The following EML2 variants were observed in gnomAD, a reference collection of about 807,000 sequenced individuals.
The protein encoded by EML2 is echinoderm microtubule-associated protein-like 2.
A neutral mutation model predicts 84.7 loss-of-function variants in EML2; 59 were observed. The ratio of observed to expected loss-of-function variants is 0.70; its 90% CI spans 0.56 to 0.86. The LOEUF (loss-of-function observed/expected upper bound fraction) is 0.86, where lower values mean the gene tolerates loss of function less well. Ranked by LOEUF, EML2 falls within the 40% of genes least tolerant of loss-of-function variation. The pLI, the probability that EML2 is intolerant of heterozygous loss-of-function variation, is 0.00. For synonymous variants in EML2, 352 were observed against 348.9 expected, an observed-to-expected ratio of 1.01 and a Z score of -0.10; for missense variants, 818 against 855.6, an observed-to-expected ratio of 0.96 and a Z score of 0.55.
chr19:45,641,410 C>CA (rs1974483629), upstream of EML2: 1 of 540,200 alleles, frequency 1.9e-6, no homozygotes, highest in Non-Finnish European at 3.3e-6. Flanking sequence ...CCTGACCGTC[C>CA]AGCTTCTAAA....
In EML2 at chr19:45,615,825, G is replaced by A. The variant is rs774136615; in HGVS notation, c.1574C>T (p.Ser525Phe). ...AQDSSCFVTN[S>F]GDYEILYWDP... ...ACAGTACAGAATCTCATAGTCCCCG[G>A]AGTTGGTGACAAAGCAGCTGCTGTC... is the stretch of plus-strand genomic sequence containing the variant. Residue 525 changes from serine (S) to phenylalanine (F), a missense_variant, in exon 16 of 19, where the codon TCC becomes TTC. Ser to Phe is a radical substitution (Grantham distance 155, BLOSUM62 -2). Coordinates refer to ENST00000245925, the MANE Select transcript of EML2 (RefSeq NM_012155.4). The A allele has an allele frequency of 1.8e-5, 29 of 1,613,798 alleles. No individual in the cohort carries two copies. The highest frequency in any genetic ancestry group is 2.5e-5 in the Non-Finnish European group (29 of 1,179,924).
upstream of EML2, among the ~76,000 whole-genome samples, chr19:45,643,890 C>G (rs1033011854): frequency 1.3e-5 from 2 of 152,178 alleles, no homozygotes; most frequent in Admixed American, 1.3e-4. Flanking sequence ...ACTTAGAACT[C>G]GTAACAGGGG....
At chr19:45,610,645 C>T (rs1970395773) in intron 18 of EML2, among the ~76,000 whole-genome samples, 1 of 152,004 alleles carries the variant, frequency 6.6e-6, no homozygotes, top group South Asian at 2.1e-4. Flanking sequence ...CGATACCAGC[C>T]TGGCCAACGT....
chr19:45,631,798 T>C (rs1218789470), intron 6 of EML2, among the ~76,000 whole-genome samples: 1 of 151,538 alleles, frequency 6.6e-6, no homozygotes, highest in South Asian at 2.1e-4. Flanking sequence ...CTCGATCTCC[T>C]AGGCTCATTC....
At chr19:45,634,236 A>C (rs1206263741) in intron 4 of EML2, 86 bp downstream of exon 4, 9 of 1,571,662 alleles carry the variant, frequency 5.7e-6, no homozygotes, top group Non-Finnish European at 7.9e-6. Context: ...ACAGGGTAGC[A>C]ATGTGAAAAG....
chr19:45,621,438 G>C (rs757303992), intron 10 of EML2, 45 bp downstream of exon 10: 90 of 1,591,264 alleles, frequency 5.7e-5, no homozygotes, highest in Non-Finnish European at 7.6e-5. Flanking sequence ...GGTGAGATCG[G>C]GGGGGGCCTC....
intron 3 of EML2, among the ~76,000 whole-genome samples, chr19:45,635,459 A>G (rs1419682612): frequency 6.6e-6 from 1 of 151,442 alleles, no homozygotes; most frequent in East Asian, 2.0e-4. Context: ...ATTTTGCATC[A>G]CACACACTGG....
At chr19:45,614,974 C>T (rs766167513) in intron 16 of EML2, 7 of 348,608 alleles carry the variant, frequency 2.0e-5, no homozygotes, top group African/African-American at 1.3e-4. Context: ...CAGCATCTGG[C>T]TGGATCACCT....
chr19:45,637,586 C>T (rs1973880557), intron 3 of EML2, among the ~76,000 whole-genome samples: 3 of 149,284 alleles, frequency 2.0e-5, no homozygotes, highest in Non-Finnish European at 3.0e-5. Context: ...TCAAGTGATG[C>T]TCCCACCTCA....
upstream of EML2, among the ~76,000 whole-genome samples, chr19:45,644,382 G>A (rs540607009): frequency 6.6e-6 from 1 of 152,248 alleles, no homozygotes; most frequent in East Asian, 1.9e-4. Context: ...TAGAGGGACA[G>A]AGGAGGACAA....
chr19:45,626,888 G>GCTA, intron 7 of EML2, 49 bp from the exon 8 acceptor site: 1 of 1,548,004 alleles, frequency 6.5e-7, no homozygotes, highest in Non-Finnish European at 8.8e-7. Context: ...AGTCCCCAAG[G>GCTA]CTACTATACC....
chr19:45,626,804 G>A lies in EML2; in HGVS notation c.642C>T (p.His214=), dbSNP rs1360544713. ...TGATAAGCACAGTGGGGTCCGTGGG[G>A]TGGAAGGTGGCCACCAATACAGCCT... ...SNEAVLVATF[H]PTDPTVLITC... The change falls in exon 8 of 19, where the codon CAC becomes CAT. Residue 214 remains histidine, a synonymous_variant. Coordinates refer to ENST00000245925, the MANE Select transcript of EML2 (RefSeq NM_012155.4). The A allele has an allele frequency of 1.2e-6, 2 of 1,613,832 alleles. No individual in the cohort carries two copies. The highest frequency in any genetic ancestry group is 1.1e-5 in the South Asian group (1 of 91,070).
At chr19:45,641,403 G>C (rs747353820), upstream of EML2, 5 of 526,760 alleles carry the variant, frequency 9.5e-6, no homozygotes, top group Non-Finnish European at 1.7e-5. Flanking sequence ...CAGTAGACCT[G>C]ACCGTCCAGC....
In EML2 at chr19:45,634,356, G is replaced by A. The variant is rs35928591; in HGVS notation, c.295C>T (p.Arg99Ter). The change falls in exon 4 of 19, where the codon CGA (arginine) becomes TGA (stop). Residue 99 changes from arginine to a stop codon, truncating the protein, a stop_gained. Coordinates refer to ENST00000245925, the MANE Select transcript of EML2 (RefSeq NM_012155.4). LOFTEE classifies it high-confidence loss of function. Reference protein sequence around the residue: ...VLYSVEEQRQRHYLGHNDDIK... With the variant: ...VLYSVEEQRQ Reference sequence around the variant, plus strand: ...TCATCGTTGTGTCCCAGGTAGTGTCGCTGCCTCTGCTCCTCCACGCTGTAT... The same window carrying A: ...TCATCGTTGTGTCCCAGGTAGTGTCACTGCCTCTGCTCCTCCACGCTGTAT... 1.9e-6 allele frequency: 3 copies of A among 1,613,626 alleles called. No individual in the cohort carries two copies. Among genetic ancestry groups the A allele is most frequent in the South Asian group, 1.1e-5 (1 of 91,078 alleles).
In EML2 at chr19:45,632,963, C is replaced by T. The variant is rs999127324; in HGVS notation, c.408G>A (p.Pro136=). 6.2e-7 allele frequency: 1 copy of T among 1,613,998 alleles called. No homozygotes were observed. Among genetic ancestry groups the T allele is most frequent in the South Asian group, 1.1e-5 (1 of 91,016 alleles). The change falls in exon 6 of 19, where the codon CCG becomes CCA. Residue 136 remains proline (P), a synonymous_variant. Coordinates refer to ENST00000245925, the MANE Select transcript of EML2 (RefSeq NM_012155.4). ...AGTTKEGKPL[P]PHVRIWDSVS... is the part of the protein sequence containing the mutation. ...CTGAGTCCCAGATGCGCACGTGGGGCGGCAGCGGCTGCAGGGAAGAGAGGC... is the reference window on the plus strand; with the variant it reads ...CTGAGTCCCAGATGCGCACGTGGGGTGGCAGCGGCTGCAGGGAAGAGAGGC...
intron 3 of EML2, among the ~76,000 whole-genome samples, chr19:45,635,147 C>G (rs1280998416): frequency 1.3e-5 from 2 of 151,542 alleles, no homozygotes; most frequent in Non-Finnish European, 2.9e-5. Flanking sequence ...CCACGCGCGG[C>G]CTGTTTTGTT....
At chr19:45,620,423 T>C (rs1971553277) in intron 11 of EML2, among the ~76,000 whole-genome samples, 1 of 151,944 alleles carries the variant, frequency 6.6e-6, no homozygotes, top group Admixed American at 6.6e-5. Flanking sequence ...AATATAATAG[T>C]ATGGGCTGGG....
At chr19:45,610,112 C>G (rs1970332119) in intron 18 of EML2, among the ~76,000 whole-genome samples, 1 of 152,158 alleles carries the variant, frequency 6.6e-6, no homozygotes, top group African/African-American at 2.4e-5. Flanking sequence ...TAAGAACCAA[C>G]AGAGGCCAGG....
chr19:45,638,663 C>A, intron 2 of EML2, 29 bp from the exon 3 acceptor site: 1 of 1,611,302 alleles, frequency 6.2e-7, no homozygotes. Context: ...AGGTCAGGCA[C>A]TGACACCAGC....
Sources: gnomAD v4.1 joint callset for allele counts (sites outside exome capture counted in the v4.1 genomes callset) on GRCh38, gnomAD v4.1.1 for gene constraint, MANE v1.5 for transcripts, NCBI Gene and HGNC (gene_info 2026-07-23, HGNC 2026-07-21) for gene names.